NCKAP5: variants seen among roughly 807,000 people sequenced by gnomAD.
NCKAP5 encodes nck-associated protein 5.
A neutral mutation model predicts 167.0 loss-of-function variants in NCKAP5; 92 were observed. The ratio of observed to expected loss-of-function variants is 0.55; its 90% CI spans 0.47 to 0.66. NCKAP5 has a LOEUF of 0.66. Among genes scored for constraint, NCKAP5 ranks in the 30% least tolerant of loss-of-function variants. NCKAP5 has a pLI of 0.00. For synonymous variants in NCKAP5, 891 were observed against 877.4 expected (o/e 1.02, Z -0.27); for missense variants, 2,378 against 2,315.0 (o/e 1.03, Z -0.56).
At chr2:132,988,748 A>G (rs1244240748) in intron 7 of NCKAP5, among the ~76,000 whole-genome samples, 1 of 152,232 alleles carries the variant, frequency 6.6e-6, no homozygotes, top group African/African-American at 2.4e-5. Flanking sequence ...AATAAAAAAC[A>G]AATGACAAAA....
chr2:132,854,199 C>G (rs548383575), intron 11 of NCKAP5, among the ~76,000 whole-genome samples: 4 of 152,162 alleles, frequency 2.6e-5, no homozygotes, highest in African/African-American at 9.7e-5. Flanking sequence ...ACCACATACA[C>G]CTTACGTGAT....
chr2:133,662,174 A>G, the NCKAP5 span, among the ~76,000 whole-genome samples: 1 of 152,192 alleles, frequency 6.6e-6, no homozygotes, highest in African/African-American at 2.4e-5. Flanking sequence ...GACTAAATCA[A>G]TTTAAGATAA....
At chr2:133,236,070 C>CAA (rs527705526) in intron 4 of NCKAP5, among the ~76,000 whole-genome samples, 2,012 of 15,640 alleles carry the variant, frequency 0.13, 560 homozygotes, top group Non-Finnish European at 0.26. Context: ...TGTCTCAGAC[C>CAA]AAAAAAAAAA....
intron 2 of NCKAP5, among the ~76,000 whole-genome samples, chr2:133,535,341 C>T (rs1442816013): frequency 1.3e-5 from 2 of 151,850 alleles, no homozygotes; most frequent in East Asian, 1.9e-4. Context: ...TCTATATGTC[C>T]GTGCATACCC....
the NCKAP5 span, among the ~76,000 whole-genome samples, chr2:133,587,990 AT>A: frequency 6.6e-6 from 1 of 152,272 alleles, no homozygotes; most frequent in Non-Finnish European, 1.5e-5. Flanking sequence ...CCAGCCCAGC[AT>A]TTTGTTAAAG....
chr2:133,038,595 C>T (rs1227846370), intron 6 of NCKAP5, among the ~76,000 whole-genome samples: 1 of 152,020 alleles, frequency 6.6e-6, no homozygotes, highest in Non-Finnish European at 1.5e-5. Context: ...AACTTAATTG[C>T]ACATTTAAAA....
intron 6 of NCKAP5, among the ~76,000 whole-genome samples, chr2:133,112,056 G>A (rs1453238763): frequency 6.6e-6 from 1 of 152,176 alleles, no homozygotes; most frequent in Non-Finnish European, 1.5e-5. Context: ...AAGAAAATGG[G>A]TAGACCAAGG....
At chr2:133,050,956 T>G in intron 6 of NCKAP5, among the ~76,000 whole-genome samples, 1 of 152,244 alleles carries the variant, frequency 6.6e-6, no homozygotes, top group East Asian at 1.9e-4. Flanking sequence ...TGAAATTCTT[T>G]GAGATTCTCA....
intron 4 of NCKAP5, among the ~76,000 whole-genome samples, chr2:133,283,735 C>G (rs562479977): frequency 5.9e-5 from 9 of 151,814 alleles, no homozygotes; most frequent in Non-Finnish European, 1.3e-4. Flanking sequence ...CTCAGCCTCC[C>G]GAGTAGCTGG....
At chr2:132,788,807 A>G (rs1438691039) in intron 13 of NCKAP5, among the ~76,000 whole-genome samples, 2 of 152,220 alleles carry the variant, frequency 1.3e-5, no homozygotes, top group Non-Finnish European at 2.9e-5. Context: ...TCAAATTCAT[A>G]TGATACAAGT....
intron 8 of NCKAP5, among the ~76,000 whole-genome samples, chr2:132,960,451 G>A (rs2076478989): frequency 6.6e-6 from 1 of 152,168 alleles, no homozygotes. Context: ...GGAGGAAACA[G>A]AACTATCAAA....
chr2:133,622,333 G>A, the NCKAP5 span, among the ~76,000 whole-genome samples: 1 of 152,078 alleles, frequency 6.6e-6, no homozygotes, highest in South Asian at 2.1e-4. Flanking sequence ...TCAGTAAAGA[G>A]GAAGTTAAAC....
chr2:133,039,171 A>G (rs1164156714), intron 6 of NCKAP5, among the ~76,000 whole-genome samples: 2 of 152,208 alleles, frequency 1.3e-5, no homozygotes, highest in Non-Finnish European at 2.9e-5. Context: ...AAATAGGAGG[A>G]CACAGAGTGA....
intron 3 of NCKAP5, among the ~76,000 whole-genome samples, chr2:133,417,359 T>C (rs1689182372): frequency 6.6e-6 from 1 of 152,164 alleles, no homozygotes; most frequent in Non-Finnish European, 1.5e-5. Context: ...CTGGAAGACA[T>C]GCACTTCTCT....
Position 132,773,843 on chromosome 2 carries a change from C to G in NCKAP5, c.5101G>C (p.Asp1701His). 6.2e-7 allele frequency: 1 copy of G among 1,611,384 alleles called. No homozygotes were observed. Among genetic ancestry groups the G allele is most frequent in the Non-Finnish European group, 8.5e-7 (1 of 1,179,074 alleles). ...ATGATGTGGCTCTGAAATACAGAAT[C>G]TGCAACTGCATCGTCTTCATCCTCT... ...LQEDEDDAVA[D>H]SVFQSHIIES... The change falls in exon 16 of 20, where the codon GAT becomes CAT. Residue 1701 changes from aspartate (D) to histidine (H), a missense_variant. By Grantham distance (81) the Asp-to-His change is moderately conservative. Coordinates refer to ENST00000409261, the MANE Select transcript of NCKAP5 (RefSeq NM_207363.3).
At chr2:133,045,002 C>G (rs1022845674) in intron 6 of NCKAP5, among the ~76,000 whole-genome samples, 3 of 148,994 alleles carry the variant, frequency 2.0e-5, no homozygotes, top group Non-Finnish European at 4.4e-5. Context: ...CTGAAGTGAG[C>G]TAAGAAGGCA....
At chr2:132,677,761 G>A (rs1331150966) in intron 19 of NCKAP5, among the ~76,000 whole-genome samples, 1 of 152,064 alleles carries the variant, frequency 6.6e-6, no homozygotes, top group Non-Finnish European at 1.5e-5. Flanking sequence ...GAGGTTCTAG[G>A]AAACTCAACC....
At chr2:132,702,880 A>G (rs1206223623) in intron 19 of NCKAP5, among the ~76,000 whole-genome samples, 1 of 152,166 alleles carries the variant, frequency 6.6e-6, no homozygotes, top group East Asian at 1.9e-4. Context: ...TCATTTGAGG[A>G]TTAAAAAGTA....
rs2080560404 is a variant in NCKAP5 at position 133,075,285 on chromosome 2, T to C, written c.341+54693A>G. Reference sequence around the variant, plus strand: ...AGTAAAACTATCTCTCAGGAATAAATGTAAAATAAAGAGATTATCAAAAAA... The same window carrying C: ...AGTAAAACTATCTCTCAGGAATAAACGTAAAATAAAGAGATTATCAAAAAA... On this transcript the variant is annotated intron_variant, in intron 6 of 19. Transcript: ENST00000409261. Among the ~76,000 whole-genome samples, 3 of 152,164 alleles carry C rather than the reference T, an allele frequency of 2.0e-5. No individual in the cohort carries two copies. In the South Asian group the frequency reaches 6.2e-4, roughly 32 times the overall value.
Sources: allele counts gnomAD v4.1 joint callset (sites outside exome capture counted in the v4.1 genomes callset), GRCh38; gene constraint gnomAD v4.1.1; transcripts MANE v1.5; gene names NCBI Gene and HGNC (gene_info 2026-07-23, HGNC 2026-07-21).